Variants in FANK1 observed in about 807,000 individuals in gnomAD.
FANK1 encodes fibronectin type 3 and ankyrin repeat domains protein 1.
Under a neutral mutation model 45.3 loss-of-function variants are expected in FANK1, and 44 were observed. The ratio of observed to expected loss-of-function variants is 0.97; its 90% CI spans 0.76 to 1.25. FANK1 has a LOEUF of 1.25. FANK1 is among the 50% of genes most tolerant of loss of function. FANK1 has a pLI of 0.00. For missense variants in FANK1, 391 were observed against 424.4 expected (o/e 0.92, Z 0.69); for synonymous variants, 149 against 152.5 (o/e 0.98, Z 0.17).
rs537002934 is a variant in FANK1, at chr10:125,969,078, T to A, written c.14-11083T>A. ...CTCATAATCGTCCTTTTGAGGTACTTCTTGTAGTTTTACTGTTGTTCTTCC... is the reference window on the plus strand; with the variant it reads ...CTCATAATCGTCCTTTTGAGGTACTACTTGTAGTTTTACTGTTGTTCTTCC... On this transcript the variant is annotated intron_variant, in intron 1 of 10. Transcript: ENST00000368693. Among the ~76,000 whole-genome samples, 16 of 152,336 alleles carry A rather than the reference T, an allele frequency of 1.1e-4. 1 individual carries two copies. Among genetic ancestry groups the A allele is most frequent in the South Asian group, 6.2e-4 (3 of 4,832 alleles).
At chr10:125,948,911 T>G (rs529571144) in intron 1 of FANK1, among the ~76,000 whole-genome samples, 355 of 147,606 alleles carry the variant, frequency 2.4e-3, no homozygotes, top group African/African-American at 8.6e-3. Context: ...ATCAAAAAGC[T>G]TATCCACCAT....
chr10:125,918,556 CAAAAAAAAA>C (rs1156446362), intron 1 of FANK1, among the ~76,000 whole-genome samples: 20 of 7,100 alleles, frequency 2.8e-3, no homozygotes, highest in Non-Finnish European at 5.7e-3. Context: ...GCCTCTGTCT[CAAAAAAAAA>C]AAAAAAAAAA....
intron 1 of FANK1, among the ~76,000 whole-genome samples, chr10:125,975,589 A>G (rs542745456): frequency 1.1e-4 from 17 of 152,214 alleles, no homozygotes; most frequent in African/African-American, 4.1e-4. Context: ...GGCCACATGT[A>G]TGTCTTCTTT....
chr10:126,003,398 AT>A (rs1952926424), intron 6 of FANK1, among the ~76,000 whole-genome samples: 1 of 152,124 alleles, frequency 6.6e-6, no homozygotes. Flanking sequence ...TTTTTTAAGA[AT>A]TAAAAAAAAA....
intron 1 of FANK1, among the ~76,000 whole-genome samples, chr10:125,970,365 C>T (rs915455668): frequency 9.2e-5 from 14 of 151,400 alleles, no homozygotes; most frequent in Admixed American, 2.0e-4. Flanking sequence ...CGGGCAGAGG[C>T]GCTCCCCACA....
intron 1 of FANK1, among the ~76,000 whole-genome samples, chr10:125,970,747 G>C (rs905293158): frequency 1.3e-5 from 2 of 152,200 alleles, no homozygotes; most frequent in African/African-American, 2.4e-5. Flanking sequence ...AGGTTGCAGT[G>C]AGCCGAGATC....
intron 1 of FANK1, among the ~76,000 whole-genome samples, chr10:125,920,203 G>A (rs1418050448): frequency 1.5e-4 from 23 of 152,164 alleles, no homozygotes; most frequent in Admixed American, 1.5e-3. Flanking sequence ...GATGACATAG[G>A]CCGAAAAAAT....
intron 1 of FANK1, among the ~76,000 whole-genome samples, chr10:125,968,535 TG>T (rs1200181367): frequency 6.6e-6 from 1 of 152,184 alleles, no homozygotes; most frequent in African/African-American, 2.4e-5. Context: ...TATTTATATT[TG>T]TTTTTTTTCT....
chr10:125,978,503 G>A (rs944453342), intron 1 of FANK1, among the ~76,000 whole-genome samples: 2 of 152,136 alleles, frequency 1.3e-5, no homozygotes, highest in Non-Finnish European at 2.9e-5. Flanking sequence ...CCATCTGTCA[G>A]ATGGACAGCT....
intron 1 of FANK1, among the ~76,000 whole-genome samples, chr10:125,938,628 G>A (rs1483145126): frequency 6.6e-6 from 1 of 152,130 alleles, no homozygotes; most frequent in Admixed American, 6.5e-5. Context: ...GGCCAACATG[G>A]TGAAACCTTG....
intron 3 of FANK1, among the ~76,000 whole-genome samples, chr10:125,993,687 A>G (rs975101249): frequency 4.6e-5 from 7 of 152,346 alleles, no homozygotes; most frequent in African/African-American, 1.7e-4. Context: ...TTGGAAGGCC[A>G]GGGACAGCTG....
At chr10:125,999,990 G>A (rs752823687) in intron 6 of FANK1, among the ~76,000 whole-genome samples, 3 of 151,988 alleles carry the variant, frequency 2.0e-5, no homozygotes, top group Non-Finnish European at 4.4e-5. Flanking sequence ...CAGCTACAAG[G>A]CAAAGAAAAG....
intron 1 of FANK1, among the ~76,000 whole-genome samples, chr10:125,900,324 A>G (rs1212012418): frequency 6.6e-6 from 1 of 150,588 alleles, no homozygotes; most frequent in Non-Finnish European, 1.5e-5. Flanking sequence ...GAAAACGTAC[A>G]TCACTTCCCA....
At chr10:125,971,419 G>A (rs955775805) in intron 1 of FANK1, among the ~76,000 whole-genome samples, 1 of 151,532 alleles carries the variant, frequency 6.6e-6, no homozygotes. Flanking sequence ...GCTATAATAA[G>A]TTGCCTTCTC....
chr10:125,917,872 C>A (rs945760917), intron 1 of FANK1, among the ~76,000 whole-genome samples: 747 of 132,384 alleles, frequency 5.6e-3, no homozygotes, highest in Admixed American at 8.5e-3. Flanking sequence ...CACTTCAGCC[C>A]AAGAGTTCAA....
chr10:125,911,233 G>A (rs1438987050), intron 1 of FANK1, among the ~76,000 whole-genome samples: 1 of 152,112 alleles, frequency 6.6e-6, no homozygotes, highest in Non-Finnish European at 1.5e-5. Flanking sequence ...ATACGAAGAT[G>A]GAAGTGGTGG....
rs56856062 is a variant in FANK1 at position 125,907,995 on chromosome 10, CTT to C, written c.13+11356_13+11357del. On this transcript the variant is annotated intron_variant, in intron 1 of 10. Transcript: ENST00000368693. ...GAGAGAATAAATATGTTTTTTCTCCCTTTTTTTTTTTTTTTTTGAGACAAGAG... is the reference window on the plus strand; with the variant it reads ...GAGAGAATAAATATGTTTTTTCTCCCTTTTTTTTTTTTTTTGAGACAAGAG... 3.4e-3 allele frequency among the ~76,000 whole-genome samples: 461 copies of C among 133,890 alleles called. 3 individuals carry two copies. Among genetic ancestry groups the C allele is most frequent in the African/African-American group, 0.011 (388 of 35,982 alleles). The allele number at this position is 133,890 out of a possible 152,430, so 87.8% of individuals were successfully genotyped here.
chr10:125,912,804 A>T (rs1401148023), intron 1 of FANK1, among the ~76,000 whole-genome samples: 1 of 152,036 alleles, frequency 6.6e-6, no homozygotes. Flanking sequence ...TGCCCAGCTA[A>T]TTGTGTTTTT....
chr10:125,937,892 G>T (rs866456138), intron 1 of FANK1, among the ~76,000 whole-genome samples: 13 of 152,122 alleles, frequency 8.5e-5, no homozygotes, highest in Non-Finnish European at 1.9e-4. Context: ...CGCTTAACAG[G>T]TAGCTGCTAA....
Sources: gnomAD v4.1 joint callset for allele counts (sites outside exome capture counted in the v4.1 genomes callset) on GRCh38, gnomAD v4.1.1 for gene constraint, MANE v1.5 for transcripts, NCBI Gene and HGNC (gene_info 2026-07-23, HGNC 2026-07-21) for gene names.